NR2F1: variants seen among roughly 807,000 people sequenced by gnomAD.
NR2F1 encodes nuclear receptor subfamily 2 group F member 1.
NR2F1 carries 1 observed loss-of-function variant against 37.7 expected under a neutral mutation model. The observed-to-expected ratio is 0.03, with a 90% confidence interval of 0.01 to 0.13. NR2F1 has a LOEUF of 0.13. Ranked by LOEUF, NR2F1 falls within the 10% of genes least tolerant of loss-of-function variation. The pLI is 1.00. For missense variants in NR2F1, 268 were observed against 578.4 expected (o/e 0.46, Z 5.50); for synonymous variants, 275 against 259.6 (o/e 1.06, Z -0.57).
At chr5:93,590,917 C>T (rs774932287) in intron 2 of NR2F1, among the ~76,000 whole-genome samples, 6 of 152,208 alleles carry the variant, frequency 3.9e-5, no homozygotes, top group Non-Finnish European at 7.3e-5. Context: ...AGTTCATACA[C>T]CTAAATATTC....
In NR2F1 at chr5:93,593,928, GGGAA is replaced by G; in HGVS notation, c.*88_*91del. 2 of 1,382,018 alleles carry G rather than the reference GGGAA, an allele frequency of 1.4e-6. No homozygotes were observed. The highest frequency in any genetic ancestry group is 2.0e-6 in the Non-Finnish European group (2 of 1,003,718). The allele number at this position is 1,382,018 out of a possible 1,614,324, so 85.6% of individuals were successfully genotyped here. ...AGGACTCCAAAGCCGCGGGGACACC[GGGAA>G]GTGCAGCGGGCCAGGCAGGCTGGGT... On this transcript the variant is annotated 3_prime_UTR_variant, in exon 3 of 3. Transcript: ENST00000327111. This position sits in a 1 kb window ranked among gnomAD's most constrained non-coding sequence, Gnocchi z 5.6.
chr5:93,584,237 G>T lies in NR2F1; in HGVS notation c.-787G>T. ...CCGACTCCTGCTCGGACTCCGGCCC[G>T]GGTCCCGGCTCCTCCAGCGGCGCTC... On this transcript the variant is annotated 5_prime_UTR_variant, in exon 1 of 3. Coordinates refer to ENST00000327111, the MANE Select transcript of NR2F1 (RefSeq NM_005654.6). 1 of 148,680 alleles carries T rather than the reference G, an allele frequency of 6.7e-6. No individual in the cohort carries two copies. The highest frequency in any genetic ancestry group is 2.0e-4 in the South Asian group (1 of 5,030). 9.2% of individuals were successfully genotyped at this position (148,680 alleles called of 1,614,324 possible). A position where few individuals can be genotyped will look rare whatever the true frequency, so the allele number is the denominator to read the frequency against.
At position 93,588,326 on chromosome 5, in the gene NR2F1, C is replaced by T; in HGVS notation, c.873C>T (p.Arg291=). ...GLHASPMSAD[R]VVAFMDHIRI... is the part of the protein sequence containing the mutation. ...ATGCCTCGCCCATGTCTGCCGACCG[C>T]GTCGTGGCCTTCATGGACCACATCC... is the stretch of plus-strand genomic sequence containing the variant. Residue 291 remains arginine, a synonymous_variant, in exon 2 of 3, where the codon CGC becomes CGT. Coordinates refer to ENST00000327111, the MANE Select transcript of NR2F1 (RefSeq NM_005654.6). 6.2e-7 allele frequency: 1 copy of T among 1,613,306 alleles called. No homozygotes were observed. The highest frequency in any genetic ancestry group is 2.2e-5 in the East Asian group (1 of 44,850).
chr5:93,588,534 C>T (rs1753272307), intron 2 of NR2F1, 90 bp downstream of exon 2: 1 of 935,052 alleles, frequency 1.1e-6, no homozygotes, highest in Non-Finnish European at 1.3e-6. Flanking sequence ...GCCTCCCGCG[C>T]GGCCGGTGCG....
chr5:93,593,315 C>T lies in NR2F1; in HGVS notation c.992-247C>T, dbSNP rs1235690850. Among the ~76,000 whole-genome samples, 1 of 151,964 alleles carries T rather than the reference C, an allele frequency of 6.6e-6. No individual in the cohort carries two copies. The highest frequency in any genetic ancestry group is 1.5e-5 in the Non-Finnish European group (1 of 68,024). On this transcript the variant is annotated intron_variant, in intron 2 of 2. Transcript: ENST00000327111. The surrounding 1 kb of genome is among the most constrained non-coding windows in gnomAD (Gnocchi z 5.6). ...CCTCTGCATGTGTGTGCCTCTCTCT[C>T]CAGCTCCCCTAGGCTTGGTGGGGGT...
rs757189254 is a variant in NR2F1 at position 93,585,013 on chromosome 5, G to A, written c.-11G>A. On this transcript the variant is annotated 5_prime_UTR_variant, in exon 1 of 3. Coordinates refer to ENST00000327111, the MANE Select transcript of NR2F1 (RefSeq NM_005654.6). ...GCTCGGCTCCCCCCAGCGCTCCCCGGGCCCAAAGATATGGCAATGGTAGTT... is the reference window on the plus strand; with the variant it reads ...GCTCGGCTCCCCCCAGCGCTCCCCGAGCCCAAAGATATGGCAATGGTAGTT... 2 of 1,003,192 alleles carry A rather than the reference G, an allele frequency of 2.0e-6. No homozygotes were observed. Among genetic ancestry groups the A allele is most frequent in the Admixed American group, 5.7e-5 (1 of 17,594 alleles). 62.1% of individuals were successfully genotyped at this position (1,003,192 alleles called of 1,614,324 possible). A position where few individuals can be genotyped will look rare whatever the true frequency, so the allele number is the denominator to read the frequency against.
At position 93,593,444 on chromosome 5, in the gene NR2F1, T is replaced by C. The variant is rs1370676948; in HGVS notation, c.992-118T>C. ...GAATTTTTCTTTTCTCTTTTACTTC[T>C]TTTTTATTTTCCATTTTCTCCTTAA... On this transcript the variant is annotated intron_variant, in intron 2 of 2. Transcript: ENST00000327111. The surrounding 1 kb of genome is among the most constrained non-coding windows in gnomAD (Gnocchi z 5.6). The C allele has an allele frequency of 9.1e-7, 1 of 1,095,748 alleles. No homozygotes were observed. The highest frequency in any genetic ancestry group is 2.4e-5 in the East Asian group (1 of 42,258). The allele number at this position is 1,095,748 out of a possible 1,614,324, so 67.9% of individuals were successfully genotyped here.
chr5:93,591,397 A>G (rs1253972031), intron 2 of NR2F1, among the ~76,000 whole-genome samples: 1 of 152,226 alleles, frequency 6.6e-6, no homozygotes, highest in Non-Finnish European at 1.5e-5. Flanking sequence ...AAAGGGGTGA[A>G]TGAATTTCCA....
At chr5:93,587,697 A>G (rs1580359836) in intron 1 of NR2F1, 3 of 550,452 alleles carry the variant, frequency 5.5e-6, no homozygotes, top group Admixed American at 6.9e-5. Flanking sequence ...TGACGTGGCC[A>G]GGGGCTCAGG....
Position 93,585,161 on chromosome 5 carries a change from G to C in NR2F1, c.138G>C (p.Ser46=). The change falls in exon 1 of 3, where the codon TCG becomes TCC. Residue 46 remains serine (S), a synonymous_variant. Transcript: ENST00000327111. ...GAGEQQQQAG[S]GAPHTPQTPG... is the part of the protein sequence containing the mutation. ...GCGAGCAGCAGCAGCAGGCGGGCTC[G>C]GGCGCGCCGCACACGCCGCAGACCC... is the stretch of plus-strand genomic sequence containing the variant. 5 of 1,195,502 alleles carry C rather than the reference G, an allele frequency of 4.2e-6. No homozygotes were observed. Among genetic ancestry groups the C allele is most frequent in the Non-Finnish European group, 5.2e-6 (5 of 965,030 alleles). The allele number at this position is 1,195,502 out of a possible 1,614,324, so 74.1% of individuals were successfully genotyped here.
chr5:93,589,031 A>AT lies in NR2F1; in HGVS notation c.991+591dup, dbSNP rs1393605258. ...AATAATCCCGCTTTATCGCTGCCTGATTTTCCCTTATCGGAAACCATTCAT... is the reference window on the plus strand; with the variant it reads ...AATAATCCCGCTTTATCGCTGCCTGATTTTTCCCTTATCGGAAACCATTCAT... On this transcript the variant is annotated intron_variant, in intron 2 of 2. Transcript: ENST00000327111. 3.3e-5 allele frequency among the ~76,000 whole-genome samples: 5 copies of AT among 152,114 alleles called. No individual in the cohort carries two copies. The East Asian group carries it at 9.7e-4, about 30-fold the overall frequency.
chr5:93,587,654 G>C, intron 1 of NR2F1: 1 of 464,328 alleles, frequency 2.2e-6, no homozygotes, highest in Non-Finnish European at 3.8e-6. Flanking sequence ...GCCAGGGTTG[G>C]GGCCCTGGAG....
chr5:93,593,850 G>A lies in NR2F1; in HGVS notation c.*8G>A. ...TCCATCCAGTGCTCCTAGACCTTGG[G>A]CGCTTCCCACCTGCCCCGTCCCCCT... On this transcript the variant is annotated 3_prime_UTR_variant, in exon 3 of 3. Transcript: ENST00000327111. This position sits in a 1 kb window ranked among gnomAD's most constrained non-coding sequence, Gnocchi z 5.6. The A allele has an allele frequency of 1.2e-6, 2 of 1,611,938 alleles. No homozygotes were observed. The highest frequency in any genetic ancestry group is 3.3e-5 in the Admixed American group (2 of 59,950).
At chr5:93,591,127 G>A (rs1028978777) in intron 2 of NR2F1, among the ~76,000 whole-genome samples, 1 of 152,210 alleles carries the variant, frequency 6.6e-6, no homozygotes, top group Non-Finnish European at 1.5e-5. Context: ...GAGGGCCTGA[G>A]CAGTAATGGT....
chr5:93,593,443 C>A lies in NR2F1; in HGVS notation c.992-119C>A, dbSNP rs560341758. On this transcript the variant is annotated intron_variant, in intron 2 of 2. Coordinates refer to ENST00000327111, the MANE Select transcript of NR2F1 (RefSeq NM_005654.6). The surrounding 1 kb of genome is among the most constrained non-coding windows in gnomAD (Gnocchi z 5.6). ...TGAATTTTTCTTTTCTCTTTTACTT[C>A]TTTTTTATTTTCCATTTTCTCCTTA... The A allele has an allele frequency of 2.8e-6, 3 of 1,086,206 alleles. No homozygotes were observed. Among genetic ancestry groups the A allele is most frequent in the African/African-American group, 3.1e-5 (2 of 63,636 alleles). The allele number at this position is 1,086,206 out of a possible 1,614,324, so 67.3% of individuals were successfully genotyped here. A position where few individuals can be genotyped will look rare whatever the true frequency, so the allele number is the denominator to read the frequency against.
intron 2 of NR2F1, among the ~76,000 whole-genome samples, chr5:93,590,150 C>T (rs939939407): frequency 6.6e-6 from 1 of 152,230 alleles, no homozygotes; most frequent in African/African-American, 2.4e-5. Context: ...TCTCTACTAC[C>T]AGGCTCTTTA....
chr5:93,586,272 C>T (rs1211682608), intron 1 of NR2F1, among the ~76,000 whole-genome samples: 4 of 152,176 alleles, frequency 2.6e-5, no homozygotes, highest in Non-Finnish European at 5.9e-5. Flanking sequence ...AAACTCCACC[C>T]TCTGCTTAAA....
chr5:93,589,926 G>A (rs1205979464), intron 2 of NR2F1, among the ~76,000 whole-genome samples: 1 of 152,244 alleles, frequency 6.6e-6, no homozygotes, highest in East Asian at 1.9e-4. Context: ...TGCAAATGCA[G>A]GTCTGCTAGT....
intron 2 of NR2F1, among the ~76,000 whole-genome samples, chr5:93,589,936 T>C (rs1753302836): frequency 6.6e-6 from 1 of 152,242 alleles, no homozygotes; most frequent in Non-Finnish European, 1.5e-5. Flanking sequence ...GGTCTGCTAG[T>C]GAGAGAGGGA....
Sources: allele counts gnomAD v4.1 joint callset (sites outside exome capture counted in the v4.1 genomes callset), GRCh38; gene constraint gnomAD v4.1.1; non-coding constraint Gnocchi (gnomAD v3.1); transcripts MANE v1.5; gene names NCBI Gene and HGNC (gene_info 2026-07-23, HGNC 2026-07-21).